The following NCAPG variants were observed in gnomAD, a reference collection of about 807,000 sequenced individuals.
NCAPG encodes non-SMC condensin I complex subunit G, also known as condensin complex subunit 3.
Under a neutral mutation model 113.1 loss-of-function variants are expected in NCAPG, and 69 were observed. The ratio of observed to expected loss-of-function variants is 0.61; its 90% confidence interval spans 0.50 to 0.75. The LOEUF (loss-of-function observed/expected upper bound fraction) is 0.75. Among genes scored for constraint, NCAPG ranks in the 30% least tolerant of loss-of-function variants. The pLI is 0.00. For missense variants in NCAPG, 1,058 were observed against 1,177.0 expected (o/e 0.90, Z 1.48); for synonymous variants, 370 against 415.8 (o/e 0.89, Z 1.34).
At position 17,843,378 on chromosome 4, in the gene NCAPG, AAAAGT is replaced by A. The variant is rs746825149; in HGVS notation, c.3005_3009del (p.Ser1002ThrfsTer2). 6.2e-7 allele frequency: 1 copy of A among 1,612,044 alleles called. No homozygotes were observed. The highest frequency in any genetic ancestry group is 1.3e-5 in the African/African-American group (1 of 74,858). On this transcript the variant is annotated frameshift_variant, in exon 21 of 21. Transcript: ENST00000251496. LOFTEE classifies it high-confidence loss of function. ...ACGAGCCAAAACCGCAGCACTAGAA[AAAAGT>A]AAACTTAACCTTGCCCAATTTCTCA...
rs773598348 is a variant in NCAPG at position 17,823,028 on chromosome 4, TTTTTCCTATATTGGAAA to T, written c.1168_1184del (p.Ser390AspfsTer15). 6.2e-7 allele frequency: 1 copy of T among 1,608,652 alleles called. No homozygotes were observed. The highest frequency in any genetic ancestry group is 2.3e-5 in the East Asian group (1 of 44,412). ...TTGTTAATGAAGAACACAGAGGTGATTTTTCCTATATTGGAAATTTGATGACAAAAGAATTCATAGGT... is the reference window on the plus strand; with the variant it reads ...TTGTTAATGAAGAACACAGAGGTGATTTTGATGACAAAAGAATTCATAGGT... On this transcript the variant is annotated frameshift_variant, in exon 8 of 21. Transcript: ENST00000251496. LOFTEE classifies it high-confidence loss of function.
At position 17,823,915 on chromosome 4, in the gene NCAPG, A is replaced by G. The variant is rs2109052052; in HGVS notation, c.1383+145A>G. On this transcript the variant is annotated intron_variant, in intron 9 of 20. Transcript: ENST00000251496. ...AGTTTTAAAATTTCTTAAAACCATT[A>G]TCTATCTCTTACATACACAGAATAT... 8.1e-6 allele frequency: 5 copies of G among 620,206 alleles called. No homozygotes were observed. In the South Asian group the frequency reaches 1.0e-4, roughly 13 times the overall value. 38.4% of individuals were successfully genotyped at this position (620,206 alleles called of 1,614,324 possible).
intron 5 of NCAPG, among the ~76,000 whole-genome samples, chr4:17,816,343 C>T (rs1427979157): frequency 1.3e-5 from 2 of 152,136 alleles, no homozygotes; most frequent in Admixed American, 6.5e-5. Flanking sequence ...CGTTAGACCA[C>T]GGCTTACCTC....
At chr4:17,833,064 A>G (rs1481520126) in intron 13 of NCAPG, among the ~76,000 whole-genome samples, 2 of 152,146 alleles carry the variant, frequency 1.3e-5, no homozygotes, top group African/African-American at 4.8e-5. Context: ...TATTTTACCA[A>G]TTACCTAAAT....
rs780421789 is a variant in NCAPG at position 17,837,641 on chromosome 4, G to A, written c.2306G>A (p.Cys769Tyr). The part of the protein sequence containing the change: ...FAYASRTNQE[C>Y]FEEAFLPTLQ... ...TTTCTCAATAGGACTAATCAGGAAT[G>A]CTTTGAAGAAGCTTTTCTTCCAACC... The change falls in exon 16 of 21, where the codon TGC (cysteine) becomes TAC (tyrosine). Residue 769 changes from cysteine to tyrosine, a missense_variant. Coordinates refer to ENST00000251496, the MANE Select transcript of NCAPG (RefSeq NM_022346.5). 9 of 1,613,406 alleles carry A rather than the reference G, an allele frequency of 5.6e-6. No individual in the cohort carries two copies. Among genetic ancestry groups the A allele is most frequent in the Non-Finnish European group, 2.5e-6 (3 of 1,179,826 alleles).
chr4:17,839,438 G>A (rs1722238787), intron 16 of NCAPG, among the ~76,000 whole-genome samples: 1 of 152,124 alleles, frequency 6.6e-6, no homozygotes, highest in Non-Finnish European at 1.5e-5. Context: ...AGCAACTGGG[G>A]GATGAGTGCA....
chr4:17,842,299 C>G lies in NCAPG; in HGVS notation c.2855-11C>G, dbSNP rs779158915. On this transcript the variant is annotated splice_polypyrimidine_tract_variant and intron_variant, in intron 19 of 20. Coordinates refer to ENST00000251496, the MANE Select transcript of NCAPG (RefSeq NM_022346.5). ...TAATAAATCCTGATAATGAATTATACTATCTTCAAGGACAGAGAAAAGTGA... is the reference window on the plus strand; with the variant it reads ...TAATAAATCCTGATAATGAATTATAGTATCTTCAAGGACAGAGAAAAGTGA... The G allele has an allele frequency of 1.9e-6, 3 of 1,609,384 alleles. No homozygotes were observed. Among genetic ancestry groups the G allele is most frequent in the Non-Finnish European group, 2.5e-6 (3 of 1,176,502 alleles).
intron 11 of NCAPG, among the ~76,000 whole-genome samples, chr4:17,827,767 T>A (rs1229828158): frequency 6.6e-6 from 1 of 151,990 alleles, no homozygotes; most frequent in Non-Finnish European, 1.5e-5. Context: ...CAGGTTTTTT[T>A]TTTTTTGAGG....
intron 20 of NCAPG, chr4:17,842,610 A>G (rs553490120): frequency 2.4e-6 from 1 of 424,576 alleles, no homozygotes; most frequent in South Asian, 3.2e-5. Flanking sequence ...ACTATCTTTA[A>G]TATGTTGTTT....
At chr4:17,823,182 ATAGTCCTTT>A in intron 8 of NCAPG, 59 bp downstream of exon 8, 1 of 1,486,262 alleles carries the variant, frequency 6.7e-7, no homozygotes, top group Non-Finnish European at 9.2e-7. Context: ...ATATTGAAAT[ATAGTCCTTT>A]TACAATATAA....
chr4:17,820,612 A>C (rs1721417258), intron 7 of NCAPG, among the ~76,000 whole-genome samples: 1 of 152,186 alleles, frequency 6.6e-6, no homozygotes, highest in Non-Finnish European at 1.5e-5. Context: ...AAAAAAAACA[A>C]AAAAAAGAAA....
rs1180140996 is a variant in NCAPG, at chr4:17,811,655, CA to C, written c.111+470del. ...CTACGGTTACGTTGAATCCAATCACCAAATACCAAATTATTTTTAGGGCCTG... is the reference window on the plus strand; with the variant it reads ...CTACGGTTACGTTGAATCCAATCACCAATACCAAATTATTTTTAGGGCCTG... On this transcript the variant is annotated intron_variant, in intron 1 of 20. Coordinates refer to ENST00000251496, the MANE Select transcript of NCAPG (RefSeq NM_022346.5). This position sits in a 1 kb window ranked among gnomAD's most constrained non-coding sequence, Gnocchi z 5.3. Among the ~76,000 whole-genome samples, 1 of 152,190 alleles carries C rather than the reference CA, an allele frequency of 6.6e-6. No individual in the cohort carries two copies. Among genetic ancestry groups the C allele is most frequent in the Non-Finnish European group, 1.5e-5 (1 of 68,034 alleles).
intron 16 of NCAPG, 104 bp from the exon 17 acceptor site, chr4:17,839,572 G>A (rs1722247381): frequency 1.2e-6 from 1 of 834,586 alleles, no homozygotes; most frequent in South Asian, 3.5e-5. Context: ...TTATATTTGG[G>A]ATTATGGCAA....
chr4:17,813,456 C>T, intron 3 of NCAPG: 1 of 179,286 alleles, frequency 5.6e-6, no homozygotes, highest in Non-Finnish European at 1.2e-5. Flanking sequence ...TAATGTTTTC[C>T]TGTCATTTTG....
chr4:17,825,129 G>A (rs1255748845), intron 10 of NCAPG, 72 bp downstream of exon 10: 2 of 1,119,660 alleles, frequency 1.8e-6, no homozygotes, highest in East Asian at 2.4e-5. Context: ...TCCTCTTGCT[G>A]TGCAGTTCTG....
chr4:17,834,578 T>A, intron 14 of NCAPG, 55 bp downstream of exon 14: 1 of 1,111,208 alleles, frequency 9.0e-7, no homozygotes, highest in Non-Finnish European at 1.2e-6. Flanking sequence ...CATGTATTTG[T>A]TTATTATTAT....
chr4:17,837,629 C>G lies in NCAPG; in HGVS notation c.2294C>G (p.Thr765Ser). 2 of 1,611,956 alleles carry G rather than the reference C, an allele frequency of 1.2e-6. No individual in the cohort carries two copies. Among genetic ancestry groups the G allele is most frequent in the Non-Finnish European group, 1.7e-6 (2 of 1,179,310 alleles). The change falls in exon 16 of 21, where the codon ACT becomes AGT. Residue 765 changes from threonine to serine, a missense_variant and splice_region_variant. Thr to Ser is a moderately conservative substitution (Grantham distance 58). Transcript: ENST00000251496. ...FFPVFAYASRTNQECFEEAFL... is the reference protein window; with the variant it reads ...FFPVFAYASRSNQECFEEAFL... ...ACTTTGAATTTGTTTCTCAATAGGA[C>G]TAATCAGGAATGCTTTGAAGAAGCT...
At chr4:17,826,149 C>T (rs950313965) in intron 11 of NCAPG, among the ~76,000 whole-genome samples, 1 of 151,984 alleles carries the variant, frequency 6.6e-6, no homozygotes, top group African/African-American at 2.4e-5. Context: ...GTCTTTCCTT[C>T]TGAAAGAAAT....
chr4:17,831,739 T>C (rs543831724), intron 13 of NCAPG, among the ~76,000 whole-genome samples: 23 of 152,148 alleles, frequency 1.5e-4, no homozygotes, highest in African/African-American at 4.8e-4. Context: ...CTAGGAAAGA[T>C]TGAGCAAAGG....
Sources: gnomAD v4.1 joint callset for allele counts (sites outside exome capture counted in the v4.1 genomes callset) on GRCh38, gnomAD v4.1.1 for gene constraint, Gnocchi (gnomAD v3.1) non-coding constraint, MANE v1.5 for transcripts, NCBI Gene and HGNC (gene_info 2026-07-23, HGNC 2026-07-21) for gene names.